The following KCNK13 variants were observed in gnomAD, a reference collection of about 807,000 sequenced individuals.
KCNK13 encodes the protein potassium two pore domain channel subfamily K member 13, also known as potassium channel subfamily K member 13.
KCNK13 carries 12 observed loss-of-function variants against 23.4 expected under a neutral mutation model. The observed-to-expected ratio is 0.51, with a 90% CI of 0.33 to 0.83. The LOEUF is 0.83. Among genes scored for constraint, KCNK13 ranks in the 40% least tolerant of loss-of-function variants. The probability of loss-of-function intolerance (pLI) is 0.02; values close to 1 mark genes in which losing one functional copy is unlikely to be tolerated. For synonymous variants in KCNK13, 231 were observed against 229.5 expected (o/e 1.01, Z -0.06); for missense variants, 463 against 556.3 (o/e 0.83, Z 1.69).
At chr14:90,123,391 G>C (rs1013075194) in intron 1 of KCNK13, among the ~76,000 whole-genome samples, 18 of 152,076 alleles carry the variant, frequency 1.2e-4, no homozygotes, top group Non-Finnish European at 2.4e-4. Context: ...TGTGTGTCTG[G>C]GTCCTGATCT....
intron 1 of KCNK13, among the ~76,000 whole-genome samples, chr14:90,122,013 C>A (rs1415233540): frequency 6.6e-6 from 1 of 152,122 alleles, no homozygotes; most frequent in African/African-American, 2.4e-5. Flanking sequence ...AGCCACCATG[C>A]CCAGCAGATG....
At chr14:90,101,910 T>G (rs1383813946) in intron 1 of KCNK13, among the ~76,000 whole-genome samples, 1 of 150,832 alleles carries the variant, frequency 6.6e-6, no homozygotes, top group East Asian at 2.0e-4. Context: ...TTAAACGGAG[T>G]TTTGCTCTCG....
In KCNK13 at chr14:90,096,706, TCA is replaced by T. The variant is rs1889414948; in HGVS notation, c.334+34170_334+34171del. Among the ~76,000 whole-genome samples, 3 of 152,300 alleles carry T rather than the reference TCA, an allele frequency of 2.0e-5. No individual in the cohort carries two copies. In the South Asian group the frequency reaches 6.2e-4, roughly 32 times the overall value. ...GCAGAGCAGGAAGCAAATTTGAGAC[TCA>T]CAACAGTGCTAGGCCAGAAAGTGGA... On this transcript the variant is annotated intron_variant, in intron 1 of 1. Coordinates refer to ENST00000282146, the MANE Select transcript of KCNK13 (RefSeq NM_022054.4).
rs1280238056 is a variant in KCNK13 at position 90,147,826 on chromosome 14, GTCTT to G, written c.335-36277_335-36274del. Reference sequence around the variant, plus strand: ...GTTCCTGGCCTCACTGACTGCATAGGTCTTTCTTTCTCTCCTGTTTTGTGATGCT... The same window carrying G: ...GTTCCTGGCCTCACTGACTGCATAGGTCTTTCTCTCCTGTTTTGTGATGCT... On this transcript the variant is annotated intron_variant, in intron 1 of 1. Coordinates refer to ENST00000282146, the MANE Select transcript of KCNK13 (RefSeq NM_022054.4). 6.6e-5 allele frequency among the ~76,000 whole-genome samples: 10 copies of G among 152,182 alleles called. 2 individuals are homozygous for G. Among genetic ancestry groups the G allele is most frequent in the Middle Eastern group, 3.4e-3 (1 of 294 alleles).
chr14:90,112,058 A>T (rs1016704181), intron 1 of KCNK13, among the ~76,000 whole-genome samples: 2 of 152,196 alleles, frequency 1.3e-5, no homozygotes, highest in Admixed American at 1.3e-4. Flanking sequence ...CTTCTCTTAG[A>T]TCAAGGCTCT....
chr14:90,065,809 A>G (rs1889001288), intron 1 of KCNK13, among the ~76,000 whole-genome samples: 1 of 152,210 alleles, frequency 6.6e-6, no homozygotes, highest in African/African-American at 2.4e-5. Flanking sequence ...GTGTGCCAGG[A>G]AATGATAACA....
intron 1 of KCNK13, among the ~76,000 whole-genome samples, chr14:90,180,807 C>T (rs1192499140): frequency 6.6e-6 from 1 of 152,184 alleles, no homozygotes; most frequent in Non-Finnish European, 1.5e-5. Flanking sequence ...GGCCCCTAAA[C>T]CCAGATAACT....
At chr14:90,145,220 C>A (rs1890059676) in intron 1 of KCNK13, among the ~76,000 whole-genome samples, 2 of 152,004 alleles carry the variant, frequency 1.3e-5, no homozygotes, top group South Asian at 2.1e-4. Context: ...CCAGCCTGGG[C>A]AATATGGCAA....
At chr14:90,136,589 GTTA>G in intron 1 of KCNK13, among the ~76,000 whole-genome samples, 1 of 152,208 alleles carries the variant, frequency 6.6e-6, no homozygotes, top group East Asian at 1.9e-4. Context: ...ACCCATGATA[GTTA>G]TTATTACAAG....
chr14:90,171,823 T>C (rs892549789), intron 1 of KCNK13, among the ~76,000 whole-genome samples: 3 of 152,222 alleles, frequency 2.0e-5, no homozygotes, highest in Non-Finnish European at 4.4e-5. Flanking sequence ...AGGTTTGACC[T>C]GAGCAGTTCC....
intron 1 of KCNK13, among the ~76,000 whole-genome samples, chr14:90,171,067 T>C (rs917782455): frequency 6.6e-6 from 1 of 152,342 alleles, no homozygotes; most frequent in East Asian, 1.9e-4. Flanking sequence ...CAAAATTTAA[T>C]TTCCTTTCAC....
intron 1 of KCNK13, among the ~76,000 whole-genome samples, chr14:90,182,651 C>T (rs1162689806): frequency 6.6e-6 from 1 of 152,012 alleles, no homozygotes; most frequent in Non-Finnish European, 1.5e-5. Flanking sequence ...ACAAGACCCT[C>T]ATCTCTACAA....
At chr14:90,145,753 G>T (rs1018024402) in intron 1 of KCNK13, among the ~76,000 whole-genome samples, 6 of 151,966 alleles carry the variant, frequency 3.9e-5, no homozygotes, top group African/African-American at 1.2e-4. Flanking sequence ...TGTAATCCCA[G>T]CACTTTGGGA....
chr14:90,101,803 A>AAAAAAAAAAAAAAC (rs1889483031), intron 1 of KCNK13, among the ~76,000 whole-genome samples: 2 of 150,160 alleles, frequency 1.3e-5, no homozygotes, highest in Non-Finnish European at 1.5e-5. Flanking sequence ...AAAAAAAAAA[A>AAAAAAAAAAAAAAC]AAAAAAAAAC....
intron 1 of KCNK13, among the ~76,000 whole-genome samples, chr14:90,113,206 C>T (rs1889636427): frequency 6.6e-6 from 1 of 152,058 alleles, no homozygotes; most frequent in African/African-American, 2.4e-5. Context: ...AGGCATGAGC[C>T]ATTGCACCTG....
Position 90,062,195 on chromosome 14 carries a change from G to A in KCNK13, c.-11G>A. ...GCCGTGGGCCTGGGGGCTGCCCCCG[G>A]GGGCCCGGCCATGGCTGGCCGGGGT... On this transcript the variant is annotated 5_prime_UTR_variant, in exon 1 of 2. Coordinates refer to ENST00000282146, the MANE Select transcript of KCNK13 (RefSeq NM_022054.4). This position sits in a 1 kb window ranked among gnomAD's most constrained non-coding sequence, Gnocchi z 4.5. 1 of 1,389,582 alleles carries A rather than the reference G, an allele frequency of 7.2e-7. No homozygotes were observed. The highest frequency in any genetic ancestry group is 3.3e-5 in the Admixed American group (1 of 30,696). The allele number at this position is 1,389,582 out of a possible 1,614,324, so 86.1% of individuals were successfully genotyped here.
At chr14:90,106,656 CTATA>C (rs1000277396) in intron 1 of KCNK13, among the ~76,000 whole-genome samples, 8 of 151,972 alleles carry the variant, frequency 5.3e-5, no homozygotes, top group African/African-American at 1.9e-4. Flanking sequence ...ATAAAATAAA[CTATA>C]CATATATTTT....
chr14:90,088,215 C>T (rs1216906429), intron 1 of KCNK13, among the ~76,000 whole-genome samples: 1 of 152,110 alleles, frequency 6.6e-6, no homozygotes, highest in Admixed American at 6.6e-5. Context: ...GTTGCCCAGG[C>T]TGGCTTCTTG....
rs531663789 is a variant in KCNK13 at position 90,062,536 on chromosome 14, A to G, written c.331A>G (p.Ile111Val). ...CTTCGTGGGCACCGTCGTTTCCACC[A>G]TAGGTAAGTGTGCTGGCCGGACTCG... Reference protein sequence around the residue: ...FYFVGTVVSTIGFGMTTPATV... With the variant: ...FYFVGTVVSTVGFGMTTPATV... The change falls in exon 1 of 2, where the codon ATA becomes GTA. Residue 111 changes from isoleucine to valine, a missense_variant. By Grantham distance (29) the Ile-to-Val change is conservative. Around this residue, in one of 3 missense-constraint regions of KCNK13, gnomAD observed 144 missense variants for 224.0 expected, o/e 0.64. Coordinates refer to ENST00000282146, the MANE Select transcript of KCNK13 (RefSeq NM_022054.4). This position sits in a 1 kb window ranked among gnomAD's most constrained non-coding sequence, Gnocchi z 4.5. The G allele has an allele frequency of 4.7e-6, 7 of 1,502,848 alleles. No individual in the cohort carries two copies. Among genetic ancestry groups the G allele is most frequent in the South Asian group, 3.9e-5 (3 of 76,086 alleles). 93.1% of individuals were successfully genotyped at this position (1,502,848 alleles called of 1,614,324 possible).
Sources: gnomAD v4.1 joint callset for allele counts (sites outside exome capture counted in the v4.1 genomes callset) on GRCh38, gnomAD v4.1.1 for gene constraint, gnomAD v4.1.1 regional missense constraint, Gnocchi (gnomAD v3.1) non-coding constraint, MANE v1.5 for transcripts, NCBI Gene and HGNC (gene_info 2026-07-23, HGNC 2026-07-21) for gene names.